PWP1: variants seen among roughly 807,000 people sequenced by gnomAD.
PWP1 encodes the protein periodic tryptophan protein 1 homolog.
PWP1 carries 47 observed loss-of-function variants against 69.9 expected under a neutral mutation model. That is an observed-to-expected ratio of 0.67 (90% CI 0.53 to 0.86). The LOEUF (loss-of-function observed/expected upper bound fraction) is 0.86, where lower values mean the gene tolerates loss of function less well. Among genes scored for constraint, PWP1 ranks in the 40% least tolerant of loss-of-function variants. The probability of loss-of-function intolerance (pLI) is 0.00; values close to 1 mark genes in which losing one functional copy is unlikely to be tolerated. For synonymous variants in PWP1, 222 were observed against 208.2 expected (o/e 1.07, Z -0.57); for missense variants, 551 against 608.8 (o/e 0.91, Z 1.00).
chr12:107,700,416 A>C (rs1038692454), intron 8 of PWP1, among the ~76,000 whole-genome samples: 1 of 152,142 alleles, frequency 6.6e-6, no homozygotes, highest in African/African-American at 2.4e-5. Flanking sequence ...TAAGCATCTC[A>C]TATGAATGGA....
At chr12:107,706,998 C>G (rs1476193984) in intron 11 of PWP1, among the ~76,000 whole-genome samples, 2 of 152,002 alleles carry the variant, frequency 1.3e-5, no homozygotes, top group Admixed American at 6.6e-5. Flanking sequence ...GGCAGTATGG[C>G]TATTTTCACA....
intron 8 of PWP1, among the ~76,000 whole-genome samples, chr12:107,701,305 T>C (rs567182142): frequency 6.6e-6 from 1 of 152,014 alleles, no homozygotes; most frequent in Non-Finnish European, 1.5e-5. Context: ...CCTTTGCCTG[T>C]TTTTTGTGTT....
chr12:107,691,389 G>A (rs559772005), intron 3 of PWP1, among the ~76,000 whole-genome samples: 3 of 152,320 alleles, frequency 2.0e-5, no homozygotes, highest in East Asian at 3.9e-4. Context: ...TTCTCTGTGC[G>A]AGAGGAAATC....
intron 5 of PWP1, among the ~76,000 whole-genome samples, chr12:107,694,731 A>T (rs1889549393): frequency 6.6e-6 from 1 of 152,130 alleles, no homozygotes. Flanking sequence ...CTTACCTGAG[A>T]ACTTAACAGT....
In PWP1 at chr12:107,712,306, CAG is replaced by C. The variant is rs1566084817; in HGVS notation, c.*89_*90del. 1 of 942,444 alleles carries C rather than the reference CAG, an allele frequency of 1.1e-6. No homozygotes were observed. The highest frequency in any genetic ancestry group is 1.7e-6 in the Non-Finnish European group (1 of 589,478). The allele number at this position is 942,444 out of a possible 1,614,324, so 58.4% of individuals were successfully genotyped here. A position where few individuals can be genotyped will look rare whatever the true frequency, so the allele number is the denominator to read the frequency against. On this transcript the variant is annotated 3_prime_UTR_variant, in exon 15 of 15. Coordinates refer to ENST00000412830, the MANE Select transcript of PWP1 (RefSeq NM_007062.3). ...TGTTCCATGCGTGGCAGCAACCATGCAGAGTGACTGAAACACAATTCATTTCT... is the reference window on the plus strand; with the variant it reads ...TGTTCCATGCGTGGCAGCAACCATGCAGTGACTGAAACACAATTCATTTCT...
At position 107,712,225 on chromosome 12, in the gene PWP1, G is replaced by C. The variant is rs773405520; in HGVS notation, c.*5G>C. The C allele has an allele frequency of 4.4e-6, 7 of 1,603,610 alleles. No homozygotes were observed. In the East Asian group the frequency reaches 1.6e-4, roughly 36 times the overall value. Reference sequence around the variant, plus strand: ...GATACACCCATGGAGTCTTAATGAAGATCATCTAATTTCCTGCTTACCTTA... The same window carrying C: ...GATACACCCATGGAGTCTTAATGAACATCATCTAATTTCCTGCTTACCTTA... On this transcript the variant is annotated 3_prime_UTR_variant, in exon 15 of 15. Transcript: ENST00000412830.
Position 107,688,458 on chromosome 12 carries a change from G to C in PWP1, c.83G>C (p.Ser28Thr). 1 of 1,613,896 alleles carries C rather than the reference G, an allele frequency of 6.2e-7. No individual in the cohort carries two copies. Among genetic ancestry groups the C allele is most frequent in the East Asian group, 2.2e-5 (1 of 44,892 alleles). The change falls in exon 2 of 15, where the codon AGT becomes ACT. Residue 28 changes from serine to threonine, a missense_variant. Transcript: ENST00000412830. ...AKETPDKVEL[S>T]KEEVKRLIAE... ...TTTGCTCTCTTACAGGTAGAGCTGAGTAAAGAAGAAGTAAAACGCCTCATT... is the reference window on the plus strand; with the variant it reads ...TTTGCTCTCTTACAGGTAGAGCTGACTAAAGAAGAAGTAAAACGCCTCATT...
At chr12:107,700,493 C>T (rs1593146030) in intron 8 of PWP1, among the ~76,000 whole-genome samples, 1 of 152,150 alleles carries the variant, frequency 6.6e-6, no homozygotes, top group Non-Finnish European at 1.5e-5. Flanking sequence ...AGTCATGTTC[C>T]AATAAGTGTC....
chr12:107,703,574 C>A, intron 9 of PWP1, 111 bp from the exon 10 acceptor site: 1 of 906,844 alleles, frequency 1.1e-6, no homozygotes. Context: ...TACTGTATTT[C>A]AGAGGGACGC....
At chr12:107,692,348 G>A (rs1273794357) in intron 3 of PWP1, among the ~76,000 whole-genome samples, 1 of 152,140 alleles carries the variant, frequency 6.6e-6, no homozygotes, top group Non-Finnish European at 1.5e-5. Context: ...ATCAGAACAC[G>A]TGCAGTAGAG....
rs1216275274 is a variant in PWP1 at position 107,703,032 on chromosome 12, G to C, written c.903+1G>C. The C allele has an allele frequency of 3.2e-6, 5 of 1,586,434 alleles. No homozygotes were observed. Among genetic ancestry groups the C allele is most frequent in the Non-Finnish European group, 4.3e-6 (5 of 1,155,230 alleles). Reference sequence around the variant, plus strand: ...TAGCCTCGCTGTACACACAGACAAGGTATGGTGATTTAGTTGATCACAGCG... The same window carrying C: ...TAGCCTCGCTGTACACACAGACAAGCTATGGTGATTTAGTTGATCACAGCG... On this transcript the variant is annotated splice_donor_variant, in intron 9 of 14. Transcript: ENST00000412830. LOFTEE classifies it high-confidence loss of function.
At chr12:107,707,838 C>G (rs901769925) in intron 11 of PWP1, among the ~76,000 whole-genome samples, 1 of 152,074 alleles carries the variant, frequency 6.6e-6, no homozygotes, top group Non-Finnish European at 1.5e-5. Context: ...CGATGTTCTT[C>G]AGGGATATTG....
chr12:107,709,335 A>T, intron 13 of PWP1, 103 bp downstream of exon 13: 5 of 1,384,692 alleles, frequency 3.6e-6, no homozygotes, highest in Non-Finnish European at 4.9e-6. Context: ...TATTGCATTA[A>T]CAAATATGGA....
chr12:107,691,388 C>T (rs890607660), intron 3 of PWP1, among the ~76,000 whole-genome samples: 4 of 152,148 alleles, frequency 2.6e-5, no homozygotes, highest in Non-Finnish European at 4.4e-5. Flanking sequence ...GTTCTCTGTG[C>T]GAGAGGAAAT....
intron 11 of PWP1, among the ~76,000 whole-genome samples, chr12:107,707,486 G>A (rs1889846308): frequency 6.6e-6 from 1 of 152,184 alleles, no homozygotes; most frequent in Non-Finnish European, 1.5e-5. Context: ...GTTTTCAAAG[G>A]GAGTGCTTCC....
At chr12:107,702,105 C>T (rs1216789632) in intron 8 of PWP1, among the ~76,000 whole-genome samples, 1 of 152,136 alleles carries the variant, frequency 6.6e-6, no homozygotes, top group Non-Finnish European at 1.5e-5. Context: ...GTCCTTATGC[C>T]AGTAGCACAT....
At chr12:107,695,892 T>C (rs1288190119) in intron 5 of PWP1, among the ~76,000 whole-genome samples, 1 of 152,180 alleles carries the variant, frequency 6.6e-6, no homozygotes, top group Non-Finnish European at 1.5e-5. Context: ...ATGAATGACC[T>C]AGAAGACAGG....
In PWP1 at chr12:107,708,955, T is replaced by A; in HGVS notation, c.1107T>A (p.Asn369Lys). ...GTACAGATGACGGCTTTGTATATAA[T>A]TTGGATGCACGTTCAGATAAGCCAA... is the stretch of plus-strand genomic sequence containing the variant. ...LASTDDGFVY[N>K]LDARSDKPIF... The change falls in exon 12 of 15, where the codon AAT becomes AAA. Residue 369 changes from asparagine to lysine, a missense_variant. By Grantham distance (94) the Asn-to-Lys change is moderately conservative. Coordinates refer to ENST00000412830, the MANE Select transcript of PWP1 (RefSeq NM_007062.3). 1.2e-6 allele frequency: 2 copies of A among 1,613,780 alleles called. No individual in the cohort carries two copies. The highest frequency in any genetic ancestry group is 1.7e-6 in the Non-Finnish European group (2 of 1,179,882).
In PWP1 at chr12:107,710,388, T is replaced by A; in HGVS notation, c.1291-17T>A. 1 of 1,612,398 alleles carries A rather than the reference T, an allele frequency of 6.2e-7. No individual in the cohort carries two copies. Among genetic ancestry groups the A allele is most frequent in the Non-Finnish European group, 8.5e-7 (1 of 1,179,124 alleles). On this transcript the variant is annotated splice_polypyrimidine_tract_variant and intron_variant, in intron 13 of 14. Transcript: ENST00000412830. ...TCTGAAGAGATTGAAATCACCATCTTCCTGTTCTCTCTCTAGGGAGTTCTC... is the reference window on the plus strand; with the variant it reads ...TCTGAAGAGATTGAAATCACCATCTACCTGTTCTCTCTCTAGGGAGTTCTC...
Sources: allele counts gnomAD v4.1 joint callset (sites outside exome capture counted in the v4.1 genomes callset), GRCh38; gene constraint gnomAD v4.1.1; transcripts MANE v1.5; gene names NCBI Gene and HGNC (gene_info 2026-07-23, HGNC 2026-07-21).